The following PBRM1 variants were observed in gnomAD, a reference collection of about 807,000 sequenced individuals.
PBRM1 encodes protein polybromo-1.
Under a neutral mutation model 194.5 loss-of-function variants are expected in PBRM1, and 27 were observed. The observed-to-expected ratio is 0.14, with a 90% CI of 0.10 to 0.19. The LOEUF (loss-of-function observed/expected upper bound fraction) is 0.19, where lower values mean the gene tolerates loss of function less well. Among genes scored for constraint, PBRM1 ranks in the 10% least tolerant of loss-of-function variants. The pLI is 1.00. For synonymous variants in PBRM1, 655 were observed against 693.2 expected (o/e 0.94, Z 0.87); for missense variants, 1,466 against 2,077.2 (o/e 0.71, Z 5.72).
At chr3:52,592,969 T>C (rs528458008) in intron 17 of PBRM1, among the ~76,000 whole-genome samples, 4 of 152,352 alleles carry the variant, frequency 2.6e-5, no homozygotes, top group African/African-American at 9.6e-5. Flanking sequence ...TAGTATCTGC[T>C]AGTTATTTGT....
intron 6 of PBRM1, among the ~76,000 whole-genome samples, chr3:52,651,179 C>T (rs953103592): frequency 1.3e-5 from 2 of 152,166 alleles, no homozygotes; most frequent in Admixed American, 6.5e-5. Context: ...GTGCTAGGTA[C>T]ATAGCAAGTC....
chr3:52,583,096 C>CA (rs1157790825), intron 20 of PBRM1, among the ~76,000 whole-genome samples: 1,297 of 61,614 alleles, frequency 0.021, 21 homozygotes, highest in African/African-American at 0.053. Flanking sequence ...GACTCCATCT[C>CA]AAAAAAAAAA....
At chr3:52,680,487 ATTTAACTATAACAAT>A (rs1320952518), upstream of PBRM1, among the ~76,000 whole-genome samples, 1 of 152,210 alleles carries the variant, frequency 6.6e-6, no homozygotes, top group African/African-American at 2.4e-5. Context: ...CACGTACTCT[ATTTAACTATAACAAT>A]TTTAACTATA....
chr3:52,661,987 T>C (rs2096735019), intron 4 of PBRM1, 146 bp downstream of exon 5: 1 of 767,052 alleles, frequency 1.3e-6, no homozygotes, highest in African/African-American at 1.8e-5. Context: ...TGGGGCTCTC[T>C]GGCTGAATGT....
At chr3:52,679,232 G>T (rs954426714) in intron 1 of PBRM1, among the ~76,000 whole-genome samples, 1 of 152,076 alleles carries the variant, frequency 6.6e-6, no homozygotes, top group African/African-American at 2.4e-5. Flanking sequence ...TCGTTTACTT[G>T]TTTACATTCT....
At chr3:52,618,594 T>G (rs1406235065) in intron 13 of PBRM1, among the ~76,000 whole-genome samples, 3 of 148,740 alleles carry the variant, frequency 2.0e-5, no homozygotes, top group Non-Finnish European at 4.5e-5. Context: ...TGACTTAGTT[T>G]TTTTTTTTTT....
Position 52,560,441 on chromosome 3 carries a change from T to C in PBRM1, c.4288+1326A>G, listed in dbSNP as rs192608895. On this transcript the variant is annotated intron_variant, in intron 25 of 29. Coordinates refer to ENST00000296302, the Ensembl canonical transcript of PBRM1. ...GACTAGGGTTTTCCAAAGAATATTC[T>C]GCAAAATGTTAGTTCTTTAGGGTAT... The C allele has an allele frequency of 6.0e-4, 92 of 152,358 alleles. 2 individuals carry two copies. Among genetic ancestry groups the C allele is most frequent in the Admixed American group, 5.3e-3 (81 of 15,302 alleles). The allele number at this position is 152,358 out of a possible 1,614,324, so 9.4% of individuals were successfully genotyped here. A position where few individuals can be genotyped will look rare whatever the true frequency, so the allele number is the denominator to read the frequency against.
intron 10 of PBRM1, among the ~76,000 whole-genome samples, chr3:52,635,303 A>C (rs1260588746): frequency 2.6e-5 from 4 of 151,838 alleles, no homozygotes; most frequent in Non-Finnish European, 5.9e-5. Flanking sequence ...GTGATGGCTC[A>C]CGCCTGTAAT....
chr3:52,664,023 G>C (rs1453209711), intron 3 of PBRM1, among the ~76,000 whole-genome samples: 2 of 146,014 alleles, frequency 1.4e-5, no homozygotes, highest in Non-Finnish European at 3.0e-5. Flanking sequence ...TAGCGCCACT[G>C]AACTCCAGCC....
intron 4 of PBRM1, 105 bp downstream of exon 5, chr3:52,662,028 G>C (rs2096735988): frequency 4.4e-6 from 5 of 1,128,316 alleles, no homozygotes; most frequent in Non-Finnish European, 6.3e-6. Flanking sequence ...CAATACAATT[G>C]CACAGGAATT....
chr3:52,674,395 C>T (rs923999770), intron 2 of PBRM1, among the ~76,000 whole-genome samples: 1 of 148,984 alleles, frequency 6.7e-6, no homozygotes, highest in Non-Finnish European at 1.5e-5. Context: ...GCAGGAGAAT[C>T]GCTTGAACCT....
rs758888998 is a variant in PBRM1, at chr3:52,586,392, A to T, written c.3387+33T>A. The T allele has an allele frequency of 2.6e-6, 4 of 1,567,006 alleles. No individual in the cohort carries two copies. The East Asian group carries it at 9.0e-5, about 35-fold the overall frequency. ...TTCTGGAATAGGTGTTTTGAGATGT[A>T]AAATTTTTTCTGTGTGGCTATTATC... On this transcript the variant is annotated intron_variant, in intron 20 of 29. Coordinates refer to ENST00000296302, the Ensembl canonical transcript of PBRM1.
chr3:52,585,274 A>T (rs2092190357), intron 20 of PBRM1, among the ~76,000 whole-genome samples: 1 of 152,166 alleles, frequency 6.6e-6, no homozygotes, highest in Non-Finnish European at 1.5e-5. Flanking sequence ...CCCTGCTCTG[A>T]AACAGCTTCA....
chr3:52,599,796 C>T (rs894279010), intron 17 of PBRM1, among the ~76,000 whole-genome samples: 15 of 151,378 alleles, frequency 9.9e-5, no homozygotes, highest in Admixed American at 9.9e-4. Flanking sequence ...CGCCACTGCA[C>T]TCCAGCCTGG....
At chr3:52,584,818 C>A (rs1553742997) in intron 20 of PBRM1, among the ~76,000 whole-genome samples, 1 of 151,972 alleles carries the variant, frequency 6.6e-6, no homozygotes, top group Non-Finnish European at 1.5e-5. Context: ...TGGCTAATTT[C>A]AAAAAATATT....
At chr3:52,648,407 T>G in exon 7 of PBRM1, 1 of 1,608,588 alleles carries the variant, frequency 6.2e-7, no homozygotes, top group South Asian at 1.1e-5. Context: ...GATCTATATC[T>G]TTGGCCATTG....
intron 3 of PBRM1, among the ~76,000 whole-genome samples, chr3:52,662,763 T>C (rs1577947342): frequency 6.6e-6 from 1 of 150,728 alleles, no homozygotes; most frequent in African/African-American, 2.4e-5. Flanking sequence ...GAGGCAGAGG[T>C]TGCAGTGAGC....
chr3:52,662,012 A>G (rs1303777693), intron 4 of PBRM1, 121 bp downstream of exon 5: 5 of 957,832 alleles, frequency 5.2e-6, no homozygotes, highest in African/African-American at 5.0e-5. Context: ...TTATCCTCCC[A>G]GTTACCAATA....
chr3:52,648,589 T>C (rs2096395343), intron 6 of PBRM1, 147 bp from the exon 8 acceptor site: 1 of 438,148 alleles, frequency 2.3e-6, no homozygotes, highest in Non-Finnish European at 4.0e-6. Context: ...TGTAAAGTCA[T>C]TTTCTTTTTT....
Sources: allele counts gnomAD v4.1 joint callset (sites outside exome capture counted in the v4.1 genomes callset), GRCh38; gene constraint gnomAD v4.1.1; transcripts MANE v1.5; gene names NCBI Gene and HGNC (gene_info 2026-07-23, HGNC 2026-07-21).